CLSTN2: variants seen among roughly 807,000 people sequenced by gnomAD.
The protein encoded by CLSTN2 is calsyntenin-2.
A neutral mutation model predicts 101.2 loss-of-function variants in CLSTN2; 48 were observed. That is an observed-to-expected ratio of 0.47 (90% CI 0.38 to 0.60). The LOEUF (loss-of-function observed/expected upper bound fraction) is 0.60. CLSTN2 is among the 20% of genes least tolerant of loss of function. The pLI, the probability that CLSTN2 is intolerant of heterozygous loss-of-function variation, is 0.00. For missense variants in CLSTN2, 1,160 were observed against 1,238.2 expected (o/e 0.94, Z 0.95); for synonymous variants, 481 against 463.6 (o/e 1.04, Z -0.48).
intron 2 of CLSTN2, among the ~76,000 whole-genome samples, chr3:140,199,229 G>T (rs1055226642): frequency 6.6e-6 from 1 of 152,208 alleles, no homozygotes; most frequent in Admixed American, 6.5e-5. Context: ...TGGCTGATGA[G>T]GGTGGCTGGG....
At chr3:140,068,699 A>G (rs1479493243) in intron 1 of CLSTN2, among the ~76,000 whole-genome samples, 1 of 152,246 alleles carries the variant, frequency 6.6e-6, no homozygotes, top group Non-Finnish European at 1.5e-5. Context: ...GTCTGAAATT[A>G]TGGCCAGTTG....
intron 10 of CLSTN2, among the ~76,000 whole-genome samples, chr3:140,548,029 C>T (rs1397582145): frequency 6.6e-6 from 1 of 152,224 alleles, no homozygotes. Context: ...CTGCCTTGGG[C>T]CTGCCTCTCC....
chr3:140,271,115 G>C (rs1211867045), intron 2 of CLSTN2, among the ~76,000 whole-genome samples: 1 of 152,110 alleles, frequency 6.6e-6, no homozygotes. Flanking sequence ...ACAGCTGATG[G>C]CTCGGTGCAT....
intron 1 of CLSTN2, among the ~76,000 whole-genome samples, chr3:140,126,108 T>G (rs2009425812): frequency 6.6e-6 from 1 of 151,406 alleles, no homozygotes; most frequent in South Asian, 2.1e-4. Flanking sequence ...GCCTTAGGAG[T>G]GGGGCCACGA....
chr3:140,168,495 T>A (rs2010166216), intron 1 of CLSTN2, among the ~76,000 whole-genome samples: 1 of 152,034 alleles, frequency 6.6e-6, no homozygotes, highest in South Asian at 2.1e-4. Context: ...AAAATAAGAG[T>A]CTATCATTTT....
intron 1 of CLSTN2, among the ~76,000 whole-genome samples, chr3:140,132,869 A>T (rs562583964): frequency 1.3e-5 from 2 of 152,290 alleles, no homozygotes; most frequent in South Asian, 4.1e-4. Flanking sequence ...GTTTTGTCTA[A>T]GATATTGTAT....
intron 8 of CLSTN2, chr3:140,508,144 C>T (rs1189383207): frequency 1.3e-5 from 2 of 152,274 alleles, no homozygotes; most frequent in African/African-American, 4.8e-5. Context: ...TATCTGATGA[C>T]TTGTACCCTC....
At chr3:140,418,502 TTTCTTTCTTTCTTTC>T (rs1223615445) in intron 4 of CLSTN2, among the ~76,000 whole-genome samples, 3,142 of 99,242 alleles carry the variant, frequency 0.032, 172 homozygotes, top group African/African-American at 0.19. Context: ...TCTTTCTTTC[TTTCTTTCTTTCTTTC>T]TTTTTTTTTT....
At chr3:140,078,603 C>A (rs112340252) in intron 1 of CLSTN2, among the ~76,000 whole-genome samples, 33 of 152,146 alleles carry the variant, frequency 2.2e-4, no homozygotes, top group Non-Finnish European at 8.8e-5. Context: ...CAAAAGAGGG[C>A]GGGAGTGACA....
At chr3:140,026,787 C>G (rs1341394738) in intron 1 of CLSTN2, among the ~76,000 whole-genome samples, 6 of 152,294 alleles carry the variant, frequency 3.9e-5, no homozygotes, top group Non-Finnish European at 4.4e-5. Flanking sequence ...AGGTGAGACC[C>G]CCTACTTCCT....
At chr3:140,415,359 C>G (rs140779046) in intron 4 of CLSTN2, among the ~76,000 whole-genome samples, 1 of 151,860 alleles carries the variant, frequency 6.6e-6, no homozygotes, top group Non-Finnish European at 1.5e-5. Flanking sequence ...AACTAAAAAG[C>G]TCTGCATAGT....
chr3:140,195,736 T>TTAAACAAAACA (rs2010634615), intron 2 of CLSTN2, among the ~76,000 whole-genome samples: 1 of 152,206 alleles, frequency 6.6e-6, no homozygotes, highest in Non-Finnish European at 1.5e-5. Context: ...CTGCTGACTG[T>TTAAACAAAACA]ATTTCACTCC....
intron 2 of CLSTN2, among the ~76,000 whole-genome samples, chr3:140,253,509 C>A (rs1407746212): frequency 6.6e-6 from 1 of 152,124 alleles, no homozygotes; most frequent in East Asian, 1.9e-4. Context: ...ACTTTAAAAA[C>A]CCAAAAACAG....
intron 1 of CLSTN2, among the ~76,000 whole-genome samples, chr3:140,004,293 G>A (rs2006910857): frequency 6.6e-6 from 1 of 152,204 alleles, no homozygotes; most frequent in Non-Finnish European, 1.5e-5. Context: ...ATTGGAAAGT[G>A]ACTTTCTTAT....
At chr3:140,038,003 A>C (rs191907304) in intron 1 of CLSTN2, among the ~76,000 whole-genome samples, 1 of 152,324 alleles carries the variant, frequency 6.6e-6, no homozygotes, top group Non-Finnish European at 1.5e-5. Flanking sequence ...GCTGCAATGA[A>C]CATACACGTG....
intron 8 of CLSTN2, among the ~76,000 whole-genome samples, chr3:140,515,317 G>T (rs532876026): frequency 6.6e-6 from 1 of 151,960 alleles, no homozygotes; most frequent in East Asian, 1.9e-4. Flanking sequence ...ACCAGCTTTT[G>T]GTTTAATTAG....
intron 2 of CLSTN2, among the ~76,000 whole-genome samples, chr3:140,402,904 C>T (rs1329988215): frequency 2.0e-5 from 3 of 152,064 alleles, no homozygotes; most frequent in Non-Finnish European, 4.4e-5. Context: ...TATAGCTAAA[C>T]TCTTTTCTCT....
chr3:140,365,088 G>T (rs1170987517), intron 2 of CLSTN2, among the ~76,000 whole-genome samples: 4 of 152,200 alleles, frequency 2.6e-5, no homozygotes, highest in African/African-American at 9.6e-5. Context: ...AACAATGAGT[G>T]TGAGTTAGCA....
chr3:140,500,112 T>C (rs1219796831), intron 8 of CLSTN2, among the ~76,000 whole-genome samples: 1 of 151,692 alleles, frequency 6.6e-6, no homozygotes, highest in Non-Finnish European at 1.5e-5. Context: ...AGATTGGAAA[T>C]TAGGGAACTT....
Sources: gnomAD v4.1 joint callset for allele counts (sites outside exome capture counted in the v4.1 genomes callset) on GRCh38, gnomAD v4.1.1 for gene constraint, MANE v1.5 for transcripts, NCBI Gene and HGNC (gene_info 2026-07-23, HGNC 2026-07-21) for gene names.